The following GPC6 variants were observed in gnomAD, a reference collection of about 807,000 sequenced individuals.
The protein encoded by GPC6 is glypican 6.
In GPC6, 14 loss-of-function variants were observed where a neutral mutation model predicts 55.2. That is an observed-to-expected ratio of 0.25 (90% CI 0.17 to 0.40). The LOEUF is 0.40. GPC6 is among the 10% of genes least tolerant of loss of function. GPC6 has a pLI of 1.00. For missense variants in GPC6, 641 were observed against 708.5 expected, an observed-to-expected ratio of 0.90 and a Z score of 1.08; for synonymous variants, 278 against 259.6, an observed-to-expected ratio of 1.07 and a Z score of -0.68.
chr13:94,321,923 C>A (rs1263585202), intron 6 of GPC6, among the ~76,000 whole-genome samples: 1 of 152,164 alleles, frequency 6.6e-6, no homozygotes, highest in Non-Finnish European at 1.5e-5. Context: ...CACCTATATC[C>A]GTAAACACTG....
intron 1 of GPC6, among the ~76,000 whole-genome samples, chr13:93,365,340 G>T (rs1363192998): frequency 6.6e-6 from 1 of 151,956 alleles, no homozygotes; most frequent in African/African-American, 2.4e-5. Context: ...AACCTGATTT[G>T]GTAGGTCCTG....
At chr13:93,272,541 G>T (rs1037842317) in intron 1 of GPC6, among the ~76,000 whole-genome samples, 1 of 146,600 alleles carries the variant, frequency 6.8e-6, no homozygotes, top group Non-Finnish European at 1.5e-5. Flanking sequence ...TGTTTGAATG[G>T]TATGATTAGA....
intron 3 of GPC6, among the ~76,000 whole-genome samples, chr13:94,012,627 G>A (rs1186488887): frequency 6.6e-6 from 1 of 152,130 alleles, no homozygotes; most frequent in Non-Finnish European, 1.5e-5. Context: ...TGTGTGTATA[G>A]GGCATATTTT....
intron 6 of GPC6, among the ~76,000 whole-genome samples, chr13:94,316,562 A>C (rs1876542824): frequency 6.6e-6 from 1 of 151,782 alleles, no homozygotes; most frequent in Non-Finnish European, 1.5e-5. Flanking sequence ...CTAAAAATAC[A>C]AAAAATTAGC....
At chr13:94,319,346 T>G (rs1344710080) in intron 6 of GPC6, among the ~76,000 whole-genome samples, 2 of 152,190 alleles carry the variant, frequency 1.3e-5, no homozygotes, top group Non-Finnish European at 2.9e-5. Context: ...AAGAGGACCT[T>G]AGAACACCTT....
chr13:94,054,695 G>T (rs925302598), intron 4 of GPC6, among the ~76,000 whole-genome samples: 1 of 152,098 alleles, frequency 6.6e-6, no homozygotes, highest in Non-Finnish European at 1.5e-5. Flanking sequence ...TAATCCACGT[G>T]GCTCACAAAG....
chr13:93,357,923 T>A (rs1451439513), intron 1 of GPC6, among the ~76,000 whole-genome samples: 1 of 152,258 alleles, frequency 6.6e-6, no homozygotes, highest in Non-Finnish European at 1.5e-5. Flanking sequence ...TGGTGTCTTA[T>A]GCATGTGTAT....
chr13:94,269,129 C>T (rs149618878), intron 4 of GPC6, among the ~76,000 whole-genome samples: 127 of 152,236 alleles, frequency 8.3e-4, no homozygotes, highest in African/African-American at 2.8e-3. Flanking sequence ...CCTGCAGGTA[C>T]ATAGGAAGTG....
chr13:93,853,556 C>T (rs1050224838), intron 3 of GPC6, among the ~76,000 whole-genome samples: 2 of 151,400 alleles, frequency 1.3e-5, no homozygotes, highest in South Asian at 2.1e-4. Flanking sequence ...AACCTTCAAT[C>T]GAGACAGAAA....
chr13:94,068,323 C>T (rs1005603833), intron 4 of GPC6, among the ~76,000 whole-genome samples: 2 of 152,076 alleles, frequency 1.3e-5, no homozygotes, highest in African/African-American at 4.8e-5. Context: ...GGGAAAAACC[C>T]GCCTCCATGA....
chr13:93,685,620 G>C (rs1003738205), intron 2 of GPC6, among the ~76,000 whole-genome samples: 26 of 152,094 alleles, frequency 1.7e-4, no homozygotes, highest in Admixed American at 7.9e-4. Context: ...AAATGTGGGT[G>C]GTCTTATGCC....
In GPC6 at chr13:93,505,764, G is replaced by C. The variant is rs546062609; in HGVS notation, c.161-39499G>C. 2.8e-4 allele frequency among the ~76,000 whole-genome samples: 42 copies of C among 152,310 alleles called. 1 individual carries two copies. In the South Asian group the frequency reaches 8.3e-3, roughly 30 times the overall value. On this transcript the variant is annotated intron_variant, in intron 1 of 8. Coordinates refer to ENST00000377047, the MANE Select transcript of GPC6 (RefSeq NM_005708.5). ...AACAAGGCAAAGCATTGCTTTGTTTGTCCTCAGCTGGGAACATGTGTATCA... is the reference window on the plus strand; with the variant it reads ...AACAAGGCAAAGCATTGCTTTGTTTCTCCTCAGCTGGGAACATGTGTATCA...
In GPC6 at chr13:94,288,844, A is replaced by AATATATATATATTTATT. The variant is rs1437128741; in HGVS notation, c.1008+2374_1008+2375insTATTTATTATATATATA. On this transcript the variant is annotated intron_variant, in intron 5 of 8. Transcript: ENST00000377047. Reference sequence around the variant, plus strand: ...ATATATATATTTGTTATATATAACAAATATATATAATAAATATATATATTT... The same window carrying AATATATATATATTTATT: ...ATATATATATTTGTTATATATAACAAATATATATATATTTATTATATATATAATAAATATATATATTT... Among the ~76,000 whole-genome samples the AATATATATATATTTATT allele has an allele frequency of 7.1e-5, 7 of 97,952 alleles. 1 individual carries two copies. The highest frequency in any genetic ancestry group is 2.7e-4 in the African/African-American group (7 of 25,796). 64.3% of individuals were successfully genotyped at this position (97,952 alleles called of 152,430 possible).
intron 1 of GPC6, among the ~76,000 whole-genome samples, chr13:93,358,759 ATT>A (rs1880941105): frequency 6.6e-6 from 1 of 152,132 alleles, no homozygotes. Flanking sequence ...GGGAACATAA[ATT>A]TAACTATATA....
rs1881229639 is a variant in GPC6 at position 94,403,264 on chromosome 13, G to A, written c.*47G>A. 17 of 1,288,216 alleles carry A rather than the reference G, an allele frequency of 1.3e-5. No homozygotes were observed. The highest frequency in any genetic ancestry group is 1.9e-5 in the Non-Finnish European group (17 of 891,080). The allele number at this position is 1,288,216 out of a possible 1,614,324, so 79.8% of individuals were successfully genotyped here. On this transcript the variant is annotated 3_prime_UTR_variant, in exon 9 of 9. Transcript: ENST00000377047. ...AAACTGCATTTTAGCTATCTGAATG[G>A]CCAACTCACTTCTTTTCTTACACTC...
chr13:93,217,264 T>TTCTA, the GPC6 span, among the ~76,000 whole-genome samples: 1 of 152,256 alleles, frequency 6.6e-6, no homozygotes, highest in East Asian at 1.9e-4. Flanking sequence ...TTCATGATCT[T>TTCTA]TCTAAAGGAA....
chr13:93,767,360 A>G (rs1262349193), intron 2 of GPC6, among the ~76,000 whole-genome samples: 1 of 152,182 alleles, frequency 6.6e-6, no homozygotes, highest in African/African-American at 2.4e-5. Flanking sequence ...GAAACTCACA[A>G]AAGTAGGGGA....
chr13:94,398,901 AT>A (rs1407608163), intron 8 of GPC6, among the ~76,000 whole-genome samples: 1 of 152,234 alleles, frequency 6.6e-6, no homozygotes, highest in Non-Finnish European at 1.5e-5. Flanking sequence ...ATTGAGTTTC[AT>A]CTACCAGTTG....
chr13:93,433,596 C>T (rs1445266), intron 1 of GPC6, among the ~76,000 whole-genome samples: 11 of 151,882 alleles, frequency 7.2e-5, no homozygotes, highest in African/African-American at 2.2e-4. Context: ...TGGGACTACA[C>T]GTGTAGAGAA....
Sources: allele counts gnomAD v4.1 joint callset (sites outside exome capture counted in the v4.1 genomes callset), GRCh38; gene constraint gnomAD v4.1.1; transcripts MANE v1.5; gene names NCBI Gene and HGNC (gene_info 2026-07-23, HGNC 2026-07-21).